The following SLC12A7 variants were observed in gnomAD, a reference collection of about 807,000 sequenced individuals.
SLC12A7 encodes the protein K-Cl cotransporter 4.
SLC12A7 carries 100 observed loss-of-function variants against 120.6 expected under a neutral mutation model. The observed-to-expected ratio is 0.83, with a 90% CI of 0.71 to 0.98. The LOEUF is 0.98. Ranked by LOEUF, SLC12A7 falls within the 50% of genes least tolerant of loss-of-function variation. The pLI, the probability that SLC12A7 is intolerant of heterozygous loss-of-function variation, is 0.00. For missense variants in SLC12A7, 1,373 were observed against 1,548.1 expected, an observed-to-expected ratio of 0.89 and a Z score of 1.90; for synonymous variants, 760 against 678.0, an observed-to-expected ratio of 1.12 and a Z score of -1.88.
At position 1,078,775 on chromosome 5, in the gene SLC12A7, G is replaced by A. The variant is rs1331009587; in HGVS notation, c.1397-17C>T. On this transcript the variant is annotated splice_polypyrimidine_tract_variant and intron_variant, in intron 10 of 23. Coordinates refer to ENST00000264930, the MANE Select transcript of SLC12A7 (RefSeq NM_006598.3). ...AGGAGAGATCCACAGCCCTCGTCAA[G>A]GAAAGGCAGGTCCGTGGGTGCAGGG... The A allele has an allele frequency of 6.2e-7, 1 of 1,601,306 alleles. No homozygotes were observed. The highest frequency in any genetic ancestry group is 1.4e-5 in the African/African-American group (1 of 73,178).
chr5:1,119,230 G>A, the SLC12A7 span, among the ~76,000 whole-genome samples: 92,084 of 152,122 alleles, frequency 0.61, 28,012 homozygotes, highest in Non-Finnish European at 0.63. Flanking sequence ...CCTCCCCTGC[G>A]TTTTCTAAAC....
the SLC12A7 span, among the ~76,000 whole-genome samples, chr5:1,152,247 C>G: frequency 6.6e-6 from 1 of 152,230 alleles, no homozygotes; most frequent in Non-Finnish European, 1.5e-5. Flanking sequence ...CCTGCACACC[C>G]GGCCACCCAC....
the SLC12A7 span, among the ~76,000 whole-genome samples, chr5:1,133,733 A>G: frequency 3.3e-5 from 5 of 152,238 alleles, no homozygotes; most frequent in South Asian, 1.0e-3. Context: ...GGGTATGAAC[A>G]TCTGCTGCTG....
Position 1,089,019 on chromosome 5 carries a change from A to G in SLC12A7, c.452T>C (p.Leu151Pro), listed in dbSNP as rs1740200333. The change falls in exon 4 of 24, where the codon CTG becomes CCG. Residue 151 changes from leucine (L) to proline (P), a missense_variant. Leu to Pro is a moderately conservative substitution (Grantham distance 98, BLOSUM62 -3). Coordinates refer to ENST00000264930, the MANE Select transcript of SLC12A7 (RefSeq NM_006598.3). Reference sequence around the variant, plus strand: ...CATGGCCACGATGAGGAAGGACTCCAGGACACCAGCCACCCCCACGATCCA... The same window carrying G: ...CATGGCCACGATGAGGAAGGACTCCGGGACACCAGCCACCCCCACGATCCA... The part of the protein sequence containing the change: ...LTWIVGVAGV[L>P]ESFLIVAMCC... 1 of 1,612,898 alleles carries G rather than the reference A, an allele frequency of 6.2e-7. No individual in the cohort carries two copies. Among genetic ancestry groups the G allele is most frequent in the Non-Finnish European group, 8.5e-7 (1 of 1,179,992 alleles).
the SLC12A7 span, among the ~76,000 whole-genome samples, chr5:1,149,380 C>A: frequency 6.6e-6 from 1 of 152,078 alleles, no homozygotes. Context: ...AGTTCGAGAC[C>A]AGCCTGGCCA....
At chr5:1,150,493 G>A in the SLC12A7 span, among the ~76,000 whole-genome samples, 7 of 152,204 alleles carry the variant, frequency 4.6e-5, no homozygotes, top group East Asian at 7.7e-4. Flanking sequence ...GATCTCTTCC[G>A]AATATTCAAG....
the SLC12A7 span, among the ~76,000 whole-genome samples, chr5:1,126,057 T>C: frequency 6.6e-6 from 1 of 152,016 alleles, no homozygotes; most frequent in Admixed American, 6.6e-5. Context: ...ATTTACACAA[T>C]ATTAACCCAT....
intron 1 of SLC12A7, among the ~76,000 whole-genome samples, chr5:1,108,600 C>T (rs1447574716): frequency 1.3e-5 from 2 of 152,226 alleles, no homozygotes; most frequent in Non-Finnish European, 2.9e-5. Context: ...CTCGGCAGGA[C>T]AGAACCTGGA....
At position 1,083,952 on chromosome 5, in the gene SLC12A7, A is replaced by G. The variant is rs116322663; in HGVS notation, c.922T>C (p.Cys308Arg). 1 of 1,601,308 alleles carries G rather than the reference A, an allele frequency of 6.2e-7. No homozygotes were observed. Among genetic ancestry groups the G allele is most frequent in the African/African-American group, 1.3e-5 (1 of 74,996 alleles). ...GACAGCGTGCGGTTCCCCAGGAGGCAGACCCTGGGCGGGACAGGGAGGCAC... is the reference window on the plus strand; with the variant it reads ...GACAGCGTGCGGTTCCCCAGGAGGCGGACCCTGGGCGGGACAGGGAGGCAC... ...SAFDPPDIPV[C>R]LLGNRTLSRR... The change falls in exon 8 of 24, where the codon TGC (cysteine) becomes CGC (arginine). Residue 308 changes from cysteine to arginine, a missense_variant. Physicochemically the swap from Cys to Arg is radical, Grantham distance 180. Transcript: ENST00000264930.
intron 11 of SLC12A7, 136 bp from the exon 12 acceptor site, chr5:1,078,143 T>A: frequency 1.8e-6 from 2 of 1,106,858 alleles, no homozygotes; most frequent in Non-Finnish European, 2.5e-6. Context: ...CGGCCTCCAG[T>A]CCCCGTTGGC....
At chr5:1,105,900 C>T (rs1269881269) in intron 1 of SLC12A7, among the ~76,000 whole-genome samples, 4 of 152,218 alleles carry the variant, frequency 2.6e-5, no homozygotes, top group Admixed American at 6.5e-5. Context: ...CTGGGCTCCA[C>T]GGGGTTCCCA....
At chr5:1,148,625 G>A in the SLC12A7 span, among the ~76,000 whole-genome samples, 1 of 152,200 alleles carries the variant, frequency 6.6e-6, no homozygotes, top group Admixed American at 6.5e-5. Context: ...TCACGAATGG[G>A]GCAGCCTCAG....
the SLC12A7 span, among the ~76,000 whole-genome samples, chr5:1,138,255 G>T: frequency 6.6e-6 from 1 of 152,126 alleles, no homozygotes; most frequent in African/African-American, 2.4e-5. Flanking sequence ...ACCCACTGCC[G>T]GCGGGGTGGG....
rs190800485 is a variant in SLC12A7, at chr5:1,090,084, C to T, written c.343-956G>A. ...AATGTGGATCAGAACAGGCCCCGTG[C>T]GGGGCTTCGATCCTGGGGTTCACAC... On this transcript the variant is annotated intron_variant, in intron 3 of 23. Transcript: ENST00000264930. 2.4e-4 allele frequency among the ~76,000 whole-genome samples: 37 copies of T among 152,338 alleles called. No individual in the cohort carries two copies. In the East Asian group the frequency reaches 5.2e-3, roughly 21 times the overall value.
Position 1,064,078 on chromosome 5 carries a change from C to T in SLC12A7, c.2607+5G>A. 1 of 1,604,466 alleles carries T rather than the reference C, an allele frequency of 6.2e-7. No individual in the cohort carries two copies. The highest frequency in any genetic ancestry group is 8.5e-7 in the Non-Finnish European group (1 of 1,174,452). Reference sequence around the variant, plus strand: ...CGGCTGGCGTGTCCCCGTCGCACGCCCCACCTTGTGCTGGCGCAGCAGGAA... The same window carrying T: ...CGGCTGGCGTGTCCCCGTCGCACGCTCCACCTTGTGCTGGCGCAGCAGGAA... On this transcript the variant is annotated splice_donor_5th_base_variant and intron_variant, in intron 19 of 23. Transcript: ENST00000264930.
rs368434483 is a variant in SLC12A7, at chr5:1,076,197, G to A, written c.1788C>T (p.Cys596=). The A allele has an allele frequency of 1.1e-4, 171 of 1,612,082 alleles. No homozygotes were observed. Among genetic ancestry groups the A allele is most frequent in the Non-Finnish European group, 1.4e-4 (163 of 1,179,560 alleles). ...LMCYLFVNLA[C]AVQTLLRTPN... is the part of the protein sequence containing the mutation. ...GGGTACGTAGCAGGGTCTGCACGGC[G>A]CAGGCCAGGTTCACGAACAGGTAGC... Residue 596 remains cysteine, a synonymous_variant, in exon 14 of 24, where the codon TGC becomes TGT. Transcript: ENST00000264930.
the SLC12A7 span, among the ~76,000 whole-genome samples, chr5:1,147,748 T>G: frequency 6.6e-5 from 10 of 152,308 alleles, no homozygotes; most frequent in African/African-American, 2.4e-4. Context: ...ATTAAATTAA[T>G]TAATTACTTT....
intron 7 of SLC12A7, among the ~76,000 whole-genome samples, chr5:1,084,443 C>G (rs1452374449): frequency 6.6e-6 from 1 of 152,204 alleles, no homozygotes; most frequent in African/African-American, 2.4e-5. Context: ...GTCACAATCT[C>G]AGTGTCTGAG....
chr5:1,130,771 TGGG>T, the SLC12A7 span, among the ~76,000 whole-genome samples: 21 of 151,422 alleles, frequency 1.4e-4, no homozygotes, highest in Admixed American at 2.6e-4. Context: ...CAGACGCAGG[TGGG>T]CGGGTGGTGG....
Sources: allele counts gnomAD v4.1 joint callset (sites outside exome capture counted in the v4.1 genomes callset), GRCh38; gene constraint gnomAD v4.1.1; transcripts MANE v1.5; gene names NCBI Gene and HGNC (gene_info 2026-07-23, HGNC 2026-07-21).